Variants in AFF1 observed in about 807,000 individuals in gnomAD.
AFF1 encodes the protein ALF transcription elongation factor 1, also known as AF4/FMR2 family member 1.
AFF1 carries 48 observed loss-of-function variants against 121.7 expected under a neutral mutation model. That is an observed-to-expected ratio of 0.39 (90% confidence interval 0.31 to 0.50). The LOEUF (loss-of-function observed/expected upper bound fraction) is 0.50. AFF1 is among the 20% of genes least tolerant of loss of function. The pLI is 0.76. For synonymous variants in AFF1, 613 were observed against 563.0 expected (o/e 1.09, Z -1.26); for missense variants, 1,523 against 1,511.7 (o/e 1.01, Z -0.12).
rs748093135 is a variant in AFF1 at position 86,951,615 on chromosome 4, C to CTTTTTTTTTTTTTTTTTTTTTT, written c.38+3051_38+3052insTTTTTTTTTTTTTTTTTTTTTT. On this transcript the variant is annotated intron_variant, in intron 2 of 20. Coordinates refer to ENST00000395146, the MANE Select transcript of AFF1 (RefSeq NM_001166693.3). ...GAACTTTTTTTTCTTTTTCTTTTTT[C>CTTTTTTTTTTTTTTTTTTTTTT]TTTTTTTCTTTTTTTTTTTTTTTTT... 5.7e-4 allele frequency among the ~76,000 whole-genome samples: 71 copies of CTTTTTTTTTTTTTTTTTTTTTT among 124,968 alleles called. 2 individuals carry two copies. The highest frequency in any genetic ancestry group is 6.7e-4 in the Non-Finnish European group (42 of 62,288). 82.0% of individuals were successfully genotyped at this position (124,968 alleles called of 152,430 possible). A position where few individuals can be genotyped will look rare whatever the true frequency, so the allele number is the denominator to read the frequency against.
At chr4:87,080,162 G>T (rs994651728) in intron 4 of AFF1, among the ~76,000 whole-genome samples, 1 of 152,156 alleles carries the variant, frequency 6.6e-6, no homozygotes, top group Non-Finnish European at 1.5e-5. Flanking sequence ...CTCTAGATAG[G>T]CAGAAGGGGA....
At chr4:87,129,145 GATAA>G (rs1229619438) in intron 16 of AFF1, among the ~76,000 whole-genome samples, 1 of 152,162 alleles carries the variant, frequency 6.6e-6, no homozygotes, top group African/African-American at 2.4e-5. Context: ...ATCCCAGTTT[GATAA>G]ATAATTATAT....
chr4:86,977,317 G>A (rs1355196527), intron 2 of AFF1, among the ~76,000 whole-genome samples: 2 of 152,178 alleles, frequency 1.3e-5, no homozygotes, highest in African/African-American at 2.4e-5. Flanking sequence ...CAGGTGGGAC[G>A]GAGAGGACAG....
rs760744239 is a variant in AFF1, at chr4:87,047,171, T to C, written c.636T>C (p.Pro212=). The stretch of plus-strand genomic sequence containing the variant: ...AGCTTTCTCCCTTAATCTCTTTGCC[T>C]TCCCCAGTTCCCCCTTTGTCACCTA... ...ERELSPLISL[P]SPVPPLSPIH... is the part of the protein sequence containing the mutation. Residue 212 remains proline (P), a synonymous_variant, in exon 4 of 21, where the codon CCT becomes CCC. Coordinates refer to ENST00000395146, the MANE Select transcript of AFF1 (RefSeq NM_001166693.3). 10 of 1,614,144 alleles carry C rather than the reference T, an allele frequency of 6.2e-6. No individual in the cohort carries two copies. The highest frequency in any genetic ancestry group is 8.5e-6 in the Non-Finnish European group (10 of 1,180,014).
intron 4 of AFF1, among the ~76,000 whole-genome samples, chr4:87,081,309 C>T (rs1578210559): frequency 6.6e-6 from 1 of 151,612 alleles, no homozygotes; most frequent in African/African-American, 2.4e-5. Flanking sequence ...CTACAGGCAT[C>T]CGCCACCACG....
intron 2 of AFF1, among the ~76,000 whole-genome samples, chr4:86,988,454 T>C (rs1724460362): frequency 6.6e-6 from 1 of 151,998 alleles, no homozygotes; most frequent in Non-Finnish European, 1.5e-5. Flanking sequence ...CTTAAGACTG[T>C]GAAACTGTAC....
At chr4:86,964,762 T>C (rs1017379891) in intron 2 of AFF1, among the ~76,000 whole-genome samples, 1 of 152,224 alleles carries the variant, frequency 6.6e-6, no homozygotes, top group Non-Finnish European at 1.5e-5. Flanking sequence ...GTTATTCCTC[T>C]ATCATAGCTT....
In AFF1 at chr4:87,021,847, T is replaced by C. The variant is rs116102296; in HGVS notation, c.39-24319T>C. On this transcript the variant is annotated intron_variant, in intron 2 of 20. Transcript: ENST00000395146. ...GGGTTGGGATTACTTTAGACTGTTA[T>C]GATTTTTGAGATTGTCATTTTGAAG... Among the ~76,000 whole-genome samples the C allele has an allele frequency of 3.3e-3, 508 of 152,378 alleles. 1 individual carries two copies. Among genetic ancestry groups the C allele is most frequent in the African/African-American group, 0.011 (474 of 41,586 alleles).
In AFF1 at chr4:86,996,294, T is replaced by C. The variant is rs1182042548; in HGVS notation, c.38+47723T>C. Among the ~76,000 whole-genome samples the C allele has an allele frequency of 2.5e-3, 387 of 151,984 alleles. 4 individuals carry two copies. Among genetic ancestry groups the C allele is most frequent in the African/African-American group, 8.1e-3 (337 of 41,468 alleles). ...TTGTGGAATAGAAAGGGGGGAAAGG[T>C]GGGGAAAAGATTGAGAAATCGGATG... is the stretch of plus-strand genomic sequence containing the variant. On this transcript the variant is annotated intron_variant, in intron 2 of 20. Coordinates refer to ENST00000395146, the MANE Select transcript of AFF1 (RefSeq NM_001166693.3).
intron 4 of AFF1, among the ~76,000 whole-genome samples, chr4:87,081,680 A>G (rs376830724): frequency 2.0e-5 from 3 of 152,308 alleles, no homozygotes; most frequent in East Asian, 3.9e-4. Flanking sequence ...GCCCTCATAT[A>G]TTTGGAATGA....
chr4:86,995,546 T>G (rs1321906715), intron 2 of AFF1, among the ~76,000 whole-genome samples: 15 of 150,472 alleles, frequency 1.0e-4, no homozygotes, highest in South Asian at 8.4e-4. Context: ...GCTCCTAACC[T>G]CGAGTGATCC....
chr4:86,953,391 A>T (rs1480023000), intron 2 of AFF1, among the ~76,000 whole-genome samples: 1 of 152,246 alleles, frequency 6.6e-6, no homozygotes, highest in Non-Finnish European at 1.5e-5. Context: ...AAGGAAACAG[A>T]TGTGTATTGA....
rs1725859837 is a variant in AFF1, at chr4:87,105,833, C to T, written c.1364C>T (p.Ser455Phe). 6.2e-7 allele frequency: 1 copy of T among 1,614,022 alleles called. No individual in the cohort carries two copies. Among genetic ancestry groups the T allele is most frequent in the Non-Finnish European group, 8.5e-7 (1 of 1,180,018 alleles). ...EQTPEKPPSS[S>F]APPSAPQSLP... ...ACCCCAGAGAAGCCTCCCTCCTCAT[C>T]TGCACCTCCAAGGTACCGTGTGGGT... Residue 455 changes from serine (S) to phenylalanine (F), a missense_variant, in exon 10 of 21, where the codon TCT (serine) becomes TTT (phenylalanine). By Grantham distance (155) the Ser-to-Phe change is radical. This residue lies in a region of AFF1 where 905 missense variants were observed against 842.5 expected (regional missense o/e 1.07). Transcript: ENST00000395146.
intron 6 of AFF1, among the ~76,000 whole-genome samples, chr4:87,090,508 T>C (rs935424624): frequency 1.3e-5 from 2 of 152,242 alleles, no homozygotes; most frequent in African/African-American, 4.8e-5. Flanking sequence ...TGCTGACTTG[T>C]GTGTTTCTGT....
In AFF1 at chr4:86,936,792, A is replaced by G. The variant is rs550023208; in HGVS notation, c.-37+1552A>G. Among the ~76,000 whole-genome samples, 114 of 152,300 alleles carry G rather than the reference A, an allele frequency of 7.5e-4. 1 individual carries two copies. Among genetic ancestry groups the G allele is most frequent in the African/African-American group, 2.6e-3 (108 of 41,566 alleles). ...TTGTCTCTTGTGGATGTTGGGAAGT[A>G]TTGTACTTGAATATTTGAAGATAAA... On this transcript the variant is annotated intron_variant, in intron 1 of 20. Transcript: ENST00000395146.
chr4:86,975,914 G>GA (rs1352500823), intron 2 of AFF1, among the ~76,000 whole-genome samples: 1 of 152,202 alleles, frequency 6.6e-6, no homozygotes, highest in Non-Finnish European at 1.5e-5. Context: ...TTTAGATAAA[G>GA]AGGAGGGTCA....
At chr4:87,122,462 C>G (rs1473358721) in intron 12 of AFF1, among the ~76,000 whole-genome samples, 1 of 152,218 alleles carries the variant, frequency 6.6e-6, no homozygotes, top group African/African-American at 2.4e-5. Context: ...CAGCAAGCTT[C>G]TTGTTGGCAT....
chr4:86,954,127 CT>C (rs1454588254), intron 2 of AFF1, among the ~76,000 whole-genome samples: 1 of 152,194 alleles, frequency 6.6e-6, no homozygotes, highest in Non-Finnish European at 1.5e-5. Flanking sequence ...ACTGTTCTGA[CT>C]TGTAACACCC....
intron 4 of AFF1, among the ~76,000 whole-genome samples, chr4:87,050,958 G>C (rs933278163): frequency 6.6e-6 from 1 of 152,218 alleles, no homozygotes; most frequent in Non-Finnish European, 1.5e-5. Context: ...GAGGCTGGGG[G>C]CATTGAGATG....
Sources: allele counts gnomAD v4.1 joint callset (sites outside exome capture counted in the v4.1 genomes callset), GRCh38; gene constraint gnomAD v4.1.1; regional missense constraint gnomAD v4.1.1; transcripts MANE v1.5; gene names NCBI Gene and HGNC (gene_info 2026-07-23, HGNC 2026-07-21).